Variants in PCDH15 observed in about 807,000 individuals in gnomAD.
The protein encoded by PCDH15 is protocadherin related 15, also known as protocadherin-15.
A neutral mutation model predicts 178.5 loss-of-function variants in PCDH15; 129 were observed. The ratio of observed to expected loss-of-function variants is 0.72; its 90% confidence interval spans 0.63 to 0.84. The LOEUF (loss-of-function observed/expected upper bound fraction) is 0.84, where lower values mean the gene tolerates loss of function less well. Ranked by LOEUF, PCDH15 falls within the 40% of genes least tolerant of loss-of-function variation. The pLI, the probability that PCDH15 is intolerant of heterozygous loss-of-function variation, is 0.00. For synonymous variants in PCDH15, 800 were observed against 732.0 expected, an observed-to-expected ratio of 1.09 and a Z score of -1.50; for missense variants, 2,230 against 2,099.9, an observed-to-expected ratio of 1.06 and a Z score of -1.21.
At chr10:54,999,070 T>A (rs1298229198) in intron 2 of PCDH15, among the ~76,000 whole-genome samples, 2 of 151,712 alleles carry the variant, frequency 1.3e-5, no homozygotes, top group Non-Finnish European at 2.9e-5. Context: ...TGTTTTTTTG[T>A]TTTTTGGTTT....
At chr10:55,007,060 C>T (rs1291924847) in intron 2 of PCDH15, among the ~76,000 whole-genome samples, 1 of 152,114 alleles carries the variant, frequency 6.6e-6, no homozygotes, top group Non-Finnish European at 1.5e-5. Context: ...CTTGCTCTTG[C>T]TTTTGCTATG....
intron 2 of PCDH15, among the ~76,000 whole-genome samples, chr10:55,120,073 A>G (rs1047632743): frequency 2.0e-5 from 3 of 152,168 alleles, no homozygotes; most frequent in African/African-American, 7.2e-5. Flanking sequence ...AGGCAAAAAT[A>G]TCAATATTCA....
intron 3 of PCDH15, among the ~76,000 whole-genome samples, chr10:54,871,041 C>A (rs1954030708): frequency 6.6e-6 from 1 of 152,140 alleles, no homozygotes; most frequent in South Asian, 2.1e-4. Flanking sequence ...TTAAGGATGA[C>A]TCTCAACCAG....
intron 2 of PCDH15, among the ~76,000 whole-genome samples, chr10:55,013,148 C>T (rs2131945205): frequency 6.6e-6 from 1 of 152,186 alleles, no homozygotes; most frequent in Admixed American, 6.5e-5. Context: ...ATTTTACTTT[C>T]AAACTACATC....
At chr10:55,050,402 C>A (rs974060121) in intron 2 of PCDH15, among the ~76,000 whole-genome samples, 14 of 151,940 alleles carry the variant, frequency 9.2e-5, no homozygotes, top group African/African-American at 3.4e-4. Context: ...TATTAACATT[C>A]TCTATGATAA....
At chr10:54,745,144 G>A (rs1178024291) in intron 1 of PCDH15, among the ~76,000 whole-genome samples, 1 of 152,246 alleles carries the variant, frequency 6.6e-6, no homozygotes, top group Middle Eastern at 3.4e-3. Context: ...ATAGCTCAAT[G>A]ATTTAAATCA....
chr10:55,105,015 A>G (rs1025834126), intron 2 of PCDH15, among the ~76,000 whole-genome samples: 7 of 152,194 alleles, frequency 4.6e-5, no homozygotes, highest in East Asian at 1.9e-4. Context: ...CAAAATTATT[A>G]CAGTACTATA....
At chr10:54,829,837 C>T (rs1431828583) in intron 3 of PCDH15, among the ~76,000 whole-genome samples, 1 of 152,130 alleles carries the variant, frequency 6.6e-6, no homozygotes, top group Non-Finnish European at 1.5e-5. Flanking sequence ...ATGATATGCA[C>T]ACTATAGCTA....
chr10:54,790,699 G>T (rs185380330), intron 1 of PCDH15, among the ~76,000 whole-genome samples: 2 of 151,720 alleles, frequency 1.3e-5, no homozygotes, highest in Admixed American at 6.6e-5. Context: ...ACAATTACAC[G>T]TGAAGATATA....
chr10:55,059,710 A>ATATTTGAGAGAGATGTAAT (rs1366927378), intron 2 of PCDH15, among the ~76,000 whole-genome samples: 8 of 152,116 alleles, frequency 5.3e-5, no homozygotes, highest in Admixed American at 2.6e-4. Flanking sequence ...ACATTAATCT[A>ATATTTGAGAGAGATGTAAT]TATTTGAGAG....
chr10:55,367,493 G>T (rs1245406062), intron 2 of PCDH15, among the ~76,000 whole-genome samples: 7 of 151,920 alleles, frequency 4.6e-5, no homozygotes, highest in Non-Finnish European at 8.8e-5. Flanking sequence ...AGGTGGGAAG[G>T]TAACTTGGGC....
intron 5 of PCDH15, among the ~76,000 whole-genome samples, chr10:54,368,523 G>A (rs891681462): frequency 1.3e-5 from 2 of 151,882 alleles, no homozygotes; most frequent in African/African-American, 4.8e-5. Flanking sequence ...CTTCACTTAT[G>A]CACTTTAGCC....
chr10:55,078,167 A>C (rs1841956045), intron 2 of PCDH15, among the ~76,000 whole-genome samples: 1 of 152,136 alleles, frequency 6.6e-6, no homozygotes, highest in Non-Finnish European at 1.5e-5. Context: ...TGTAATGTTT[A>C]TGTTGAGAAG....
chr10:54,317,987 C>A (rs1191350717), intron 7 of PCDH15, among the ~76,000 whole-genome samples: 2 of 152,158 alleles, frequency 1.3e-5, no homozygotes, highest in African/African-American at 4.8e-5. Flanking sequence ...GTTCACATTA[C>A]TAGACAGCCT....
intron 2 of PCDH15, among the ~76,000 whole-genome samples, chr10:55,369,969 AG>A (rs1249290695): frequency 6.6e-6 from 1 of 152,108 alleles, no homozygotes; most frequent in Non-Finnish European, 1.5e-5. Context: ...AAAAAAAATC[AG>A]GGACCATCCA....
intron 13 of PCDH15, among the ~76,000 whole-genome samples, chr10:54,169,325 C>A (rs1346071337): frequency 1.1e-5 from 1 of 86,992 alleles, no homozygotes; most frequent in African/African-American, 4.8e-5. Flanking sequence ...CCTTCTTAAT[C>A]AATACGGAGG....
At chr10:54,163,278 GA>G (rs1319264807) in intron 13 of PCDH15, among the ~76,000 whole-genome samples, 1 of 152,058 alleles carries the variant, frequency 6.6e-6, no homozygotes, top group East Asian at 1.9e-4. Flanking sequence ...GGTAATTTAT[GA>G]AGAAACGAGT....
At chr10:55,452,210 C>T (rs1839450857) in intron 2 of PCDH15, among the ~76,000 whole-genome samples, 1 of 144,702 alleles carries the variant, frequency 6.9e-6, no homozygotes, top group Non-Finnish European at 1.5e-5. Context: ...ACCTTTGAAA[C>T]TGCATTTTAT....
At chr10:53,952,237 C>A (rs968216768) in intron 23 of PCDH15, among the ~76,000 whole-genome samples, 1 of 152,156 alleles carries the variant, frequency 6.6e-6, no homozygotes, top group Non-Finnish European at 1.5e-5. Flanking sequence ...CAGCAGGTCC[C>A]AAGTTCTTGT....
Sources: allele counts gnomAD v4.1 joint callset (sites outside exome capture counted in the v4.1 genomes callset), GRCh38; gene constraint gnomAD v4.1.1; transcripts MANE v1.5; gene names NCBI Gene and HGNC (gene_info 2026-07-23, HGNC 2026-07-21).